Variants in SLC38A6 observed in about 807,000 individuals in gnomAD.
SLC38A6 encodes the protein N system amino acid transporter NAT-1.
SLC38A6 carries 73 observed loss-of-function variants against 65.0 expected under a neutral mutation model. The ratio of observed to expected loss-of-function variants is 1.12; its 90% CI spans 0.93 to 1.37. The LOEUF (loss-of-function observed/expected upper bound fraction) is 1.37. Among genes scored for constraint, SLC38A6 ranks in the 40% most tolerant of loss-of-function variants. The probability of loss-of-function intolerance (pLI) is 0.00; values close to 1 mark genes in which losing one functional copy is unlikely to be tolerated. For synonymous variants in SLC38A6, 183 were observed against 178.8 expected, an observed-to-expected ratio of 1.02 and a Z score of -0.19; for missense variants, 561 against 531.1, an observed-to-expected ratio of 1.06 and a Z score of -0.55.
At chr14:61,023,588 A>AATAT (rs1555352627) in intron 5 of SLC38A6, among the ~76,000 whole-genome samples, 2 of 23,354 alleles carry the variant, frequency 8.6e-5, no homozygotes, top group Non-Finnish European at 4.2e-4. Context: ...TAATAATAAT[A>AATAT]ATATATATAT....
chr14:61,076,508 A>G (rs2043424548), intron 15 of SLC38A6, among the ~76,000 whole-genome samples: 1 of 152,210 alleles, frequency 6.6e-6, no homozygotes, highest in Admixed American at 6.5e-5. Context: ...GTTCAAGGTT[A>G]TACATCCTTA....
chr14:61,028,120 A>G (rs1566672764), intron 5 of SLC38A6, among the ~76,000 whole-genome samples: 1 of 152,110 alleles, frequency 6.6e-6, no homozygotes, highest in Non-Finnish European at 1.5e-5. Context: ...CCAGGGGCTA[A>G]TAGAAATTCT....
intron 3 of SLC38A6, among the ~76,000 whole-genome samples, chr14:60,994,460 G>A (rs1023823614): frequency 1.4e-4 from 21 of 151,928 alleles, no homozygotes; most frequent in African/African-American, 4.1e-4. Context: ...CAGGAGAATC[G>A]CTTGAACCCG....
chr14:61,008,135 C>A (rs2039286284), intron 3 of SLC38A6, among the ~76,000 whole-genome samples: 1 of 152,088 alleles, frequency 6.6e-6, no homozygotes, highest in African/African-American at 2.4e-5. Context: ...ATCTCAAATT[C>A]AAAGCTAAAT....
chr14:61,063,953 G>A (rs965254286), intron 15 of SLC38A6, among the ~76,000 whole-genome samples: 4 of 152,170 alleles, frequency 2.6e-5, no homozygotes, highest in African/African-American at 7.2e-5. Flanking sequence ...TATCCCCTTT[G>A]TCCATTCCCT....
At chr14:60,986,716 T>C (rs1196327195) in intron 3 of SLC38A6, among the ~76,000 whole-genome samples, 2 of 152,280 alleles carry the variant, frequency 1.3e-5, no homozygotes, top group African/African-American at 2.4e-5. Context: ...AAAAAAATTT[T>C]ACTTAATTGT....
intron 7 of SLC38A6, among the ~76,000 whole-genome samples, chr14:61,037,378 C>A (rs918877227): frequency 6.6e-6 from 1 of 152,086 alleles, no homozygotes; most frequent in African/African-American, 2.4e-5. Flanking sequence ...AAAATAAAAT[C>A]TTTACAGCGG....
intron 8 of SLC38A6, among the ~76,000 whole-genome samples, chr14:61,039,138 T>C (rs2041611730): frequency 6.6e-6 from 1 of 152,176 alleles, no homozygotes; most frequent in Non-Finnish European, 1.5e-5. Flanking sequence ...TGATATGATA[T>C]GTCTACTGTA....
rs111626406 is a variant in SLC38A6, at chr14:61,008,809, A to G, written c.311-7095A>G. Among the ~76,000 whole-genome samples, 1,301 of 152,312 alleles carry G rather than the reference A, an allele frequency of 8.5e-3. 22 individuals carry two copies. Among genetic ancestry groups the G allele is most frequent in the African/African-American group, 0.03 (1,227 of 41,566 alleles). ...TGTGAACACATTATCATCATTCTAGACACCTGGAGAAGTGAATATCTCTGA... is the reference window on the plus strand; with the variant it reads ...TGTGAACACATTATCATCATTCTAGGCACCTGGAGAAGTGAATATCTCTGA... On this transcript the variant is annotated intron_variant, in intron 3 of 15. Coordinates refer to ENST00000267488, the MANE Select transcript of SLC38A6 (RefSeq NM_153811.3).
At chr14:60,982,699 A>G in intron 2 of SLC38A6, 61 bp downstream of exon 2, 1 of 1,511,002 alleles carries the variant, frequency 6.6e-7, no homozygotes, top group Non-Finnish European at 8.9e-7. Flanking sequence ...ACGGAGAAGT[A>G]GAGAGATAGA....
At chr14:61,018,610 T>C (rs1378285462) in intron 4 of SLC38A6, among the ~76,000 whole-genome samples, 2 of 152,162 alleles carry the variant, frequency 1.3e-5, no homozygotes, top group East Asian at 3.8e-4. Context: ...TCCGATCCAT[T>C]AAGACTTGAG....
intron 15 of SLC38A6, among the ~76,000 whole-genome samples, chr14:61,074,899 G>A (rs761561175): frequency 3.3e-5 from 5 of 151,770 alleles, no homozygotes; most frequent in East Asian, 1.9e-4. Flanking sequence ...AGGTATGAAC[G>A]GTGAATTCTT....
intron 3 of SLC38A6, among the ~76,000 whole-genome samples, chr14:60,998,061 T>G (rs189165807): frequency 7.3e-6 from 1 of 137,174 alleles, no homozygotes; most frequent in East Asian, 2.1e-4. Flanking sequence ...AGCAAATAAT[T>G]TATATCTAGT....
downstream of SLC38A6, among the ~76,000 whole-genome samples, chr14:61,053,814 T>C (rs2042613971): frequency 6.6e-6 from 1 of 152,132 alleles, no homozygotes; most frequent in Non-Finnish European, 1.5e-5. Context: ...AGTTTGCACA[T>C]ATTTTCTCCT....
chr14:61,035,832 G>A (rs1472528874), intron 6 of SLC38A6, among the ~76,000 whole-genome samples: 1 of 152,038 alleles, frequency 6.6e-6, no homozygotes, highest in Non-Finnish European at 1.5e-5. Context: ...TTTTAAAAAT[G>A]TCTACATATG....
At chr14:61,081,990 T>C (rs2043670397) in intron 16 of SLC38A6, among the ~76,000 whole-genome samples, 1 of 152,130 alleles carries the variant, frequency 6.6e-6, no homozygotes, top group Admixed American at 6.5e-5. Flanking sequence ...AGATGCCACA[T>C]GGGAGTGCAC....
intron 9 of SLC38A6, 117 bp from the exon 10 acceptor site, chr14:61,043,333 T>C: frequency 9.4e-7 from 1 of 1,066,236 alleles, no homozygotes; most frequent in Non-Finnish European, 1.4e-6. Context: ...TTTAGAACTT[T>C]GTTTTGAAAT....
intron 3 of SLC38A6, among the ~76,000 whole-genome samples, chr14:60,993,548 A>T (rs141136576): frequency 6.6e-6 from 1 of 152,194 alleles, no homozygotes; most frequent in Non-Finnish European, 1.5e-5. Flanking sequence ...AGTTAGTAGG[A>T]GTTCTGAGAC....
chr14:61,018,342 A>C (rs1566659684), intron 4 of SLC38A6, among the ~76,000 whole-genome samples: 1 of 152,244 alleles, frequency 6.6e-6, no homozygotes, highest in Non-Finnish European at 1.5e-5. Context: ...GCTGAAATGC[A>C]GAATTTTTTC....
Sources: allele counts gnomAD v4.1 joint callset (sites outside exome capture counted in the v4.1 genomes callset), GRCh38; gene constraint gnomAD v4.1.1; transcripts MANE v1.5; gene names NCBI Gene and HGNC (gene_info 2026-07-23, HGNC 2026-07-21).